The following PCNX1 variants were observed in gnomAD, a reference collection of about 807,000 sequenced individuals.
PCNX1 encodes pecanex 1.
A neutral mutation model predicts 242.2 loss-of-function variants in PCNX1; 78 were observed. The observed-to-expected ratio is 0.32, with a 90% CI of 0.27 to 0.39. The LOEUF is 0.39. PCNX1 is among the 10% of genes least tolerant of loss of function. PCNX1 has a pLI of 1.00. For missense variants in PCNX1, 2,581 were observed against 2,856.5 expected, an observed-to-expected ratio of 0.90 and a Z score of 2.20; for synonymous variants, 1,024 against 1,032.9, an observed-to-expected ratio of 0.99 and a Z score of 0.17.
At position 71,110,591 on chromosome 14, in the gene PCNX1, C is replaced by G. The variant is rs2062736605; in HGVS notation, c.*656C>G. On this transcript the variant is annotated 3_prime_UTR_variant, in exon 36 of 36. Coordinates refer to ENST00000304743, the MANE Select transcript of PCNX1 (RefSeq NM_014982.3). ...TTATTTAAATTGCCTTTGGGATTAG[C>G]CCCTTCCCTTTCCTTATAAACACAG... The G allele has an allele frequency of 6.6e-6, 1 of 152,618 alleles. No individual in the cohort carries two copies. The highest frequency in any genetic ancestry group is 6.5e-5 in the Admixed American group (1 of 15,278). 9.5% of individuals were successfully genotyped at this position (152,618 alleles called of 1,614,324 possible).
At position 71,028,735 on chromosome 14, in the gene PCNX1, A is replaced by G. The variant is rs777106240; in HGVS notation, c.3502A>G (p.Ile1168Val). The G allele has an allele frequency of 6.2e-7, 1 of 1,608,400 alleles. No individual in the cohort carries two copies. Among genetic ancestry groups the G allele is most frequent in the South Asian group, 1.1e-5 (1 of 90,220 alleles). The change falls in exon 16 of 36, where the codon ATC (isoleucine) becomes GTC (valine). Residue 1168 changes from isoleucine to valine, a missense_variant. Physicochemically the swap from Ile to Val is conservative, Grantham distance 29 (BLOSUM62 3). Around this residue, in one of 9 missense-constraint regions of PCNX1, gnomAD observed 432 missense variants for 443.1 expected, o/e 0.97. Transcript: ENST00000304743. ...CCTGCTTGCAGCACTTTACAGTTTT[A>G]TCTGTAGCATTGTTGCAGTAGCCTT... ...TSLLAALYSF[I>V]CSIVAVALLY...
intron 7 of PCNX1, 43 bp from the exon 8 acceptor site, chr14:70,995,698 T>C (rs2059328269): frequency 6.4e-7 from 1 of 1,564,438 alleles, no homozygotes; most frequent in Non-Finnish European, 8.8e-7. Flanking sequence ...TTGTTTTCTC[T>C]TTTCTTCCCT....
At position 70,976,926 on chromosome 14, in the gene PCNX1, T is replaced by C. The variant is rs2058706923; in HGVS notation, c.605-16T>C. 1 of 1,597,558 alleles carries C rather than the reference T, an allele frequency of 6.3e-7. No homozygotes were observed. The highest frequency in any genetic ancestry group is 8.5e-7 in the Non-Finnish European group (1 of 1,169,706). On this transcript the variant is annotated splice_polypyrimidine_tract_variant and intron_variant, in intron 5 of 35. Transcript: ENST00000304743. The stretch of plus-strand genomic sequence containing the variant: ...ATACATTTATTTTAACATTTCAAAA[T>C]ATGTGTTTGAAACAGATTTGGCAGC...
intron 26 of PCNX1, among the ~76,000 whole-genome samples, chr14:71,064,178 A>G (rs1389403961): frequency 2.0e-5 from 3 of 152,176 alleles, no homozygotes; most frequent in African/African-American, 2.4e-5. Context: ...ATAGTTCCTC[A>G]TAGAATCCCT....
At position 70,919,709 on chromosome 14, in the gene PCNX1, TCCCCCCCCCCC is replaced by T. The variant is rs370539833; in HGVS notation, c.153+11716_153+11726del. Among the ~76,000 whole-genome samples, 60 of 8,094 alleles carry T rather than the reference TCCCCCCCCCCC, an allele frequency of 7.4e-3. 14 individuals carry two copies. Among genetic ancestry groups the T allele is most frequent in the East Asian group, 0.068 (20 of 296 alleles). 5.3% of individuals were successfully genotyped at this position (8,094 alleles called of 152,430 possible). ...ATTCTGGTTCCTCTGGTTTCTCTGC[TCCCCCCCCCCC>T]CCCCCCCCCACCAAATAGGAGATGC... On this transcript the variant is annotated intron_variant, in intron 1 of 35. Coordinates refer to ENST00000304743, the MANE Select transcript of PCNX1 (RefSeq NM_014982.3).
intron 26 of PCNX1, among the ~76,000 whole-genome samples, chr14:71,070,460 A>C (rs1210225574): frequency 6.6e-6 from 1 of 152,234 alleles, no homozygotes; most frequent in Non-Finnish European, 1.5e-5. Flanking sequence ...TTATTTCTTA[A>C]GTAATAAGAC....
intron 8 of PCNX1, among the ~76,000 whole-genome samples, chr14:71,006,325 C>A (rs1478054743): frequency 1.3e-5 from 2 of 152,008 alleles, no homozygotes; most frequent in African/African-American, 2.4e-5. Flanking sequence ...GAGATGCAGT[C>A]CCTTGGCCAG....
At chr14:71,061,959 G>T (rs1004998729) in intron 26 of PCNX1, among the ~76,000 whole-genome samples, 1 of 151,982 alleles carries the variant, frequency 6.6e-6, no homozygotes, top group Non-Finnish European at 1.5e-5. Flanking sequence ...CACAGTGAAG[G>T]GTTTTAGCAG....
In PCNX1 at chr14:71,101,900, C is replaced by G. The variant is rs201222427; in HGVS notation, c.5590-90C>G. 17 of 634,400 alleles carry G rather than the reference C, an allele frequency of 2.7e-5. No homozygotes were observed. In the East Asian group the frequency reaches 5.0e-4, roughly 18 times the overall value. The allele number at this position is 634,400 out of a possible 1,614,324, so 39.3% of individuals were successfully genotyped here. On this transcript the variant is annotated intron_variant, in intron 30 of 35. Transcript: ENST00000304743. ...CATGTGTTGAAATATTCATAATAAA[C>G]CAGTTTTTAAGAACTTTCACTTAGT... is the stretch of plus-strand genomic sequence containing the variant.
intron 26 of PCNX1, among the ~76,000 whole-genome samples, chr14:71,059,156 G>A (rs2061260143): frequency 6.6e-6 from 1 of 152,074 alleles, no homozygotes; most frequent in African/African-American, 2.4e-5. Flanking sequence ...CTTACCATCT[G>A]CTCACTCCAT....
chr14:71,025,640 G>T (rs753572063), intron 13 of PCNX1, among the ~76,000 whole-genome samples: 27 of 152,052 alleles, frequency 1.8e-4, no homozygotes, highest in Admixed American at 6.6e-4. Flanking sequence ...GACTGTGGGA[G>T]CCCAATGTGG....
rs1293629827 is a variant in PCNX1 at position 71,109,512 on chromosome 14, T to C, written c.6805T>C (p.Trp2269Arg). ...INLSKRKELQ[W>R]PDEGIRLKAG... ...CCTGTCTAAAAGGAAAGAGCTACAG[T>C]GGCCTGATGAAGGAATCCGGTTAAA... The change falls in exon 35 of 36, where the codon TGG becomes CGG. Residue 2269 changes from tryptophan (W) to arginine (R), a missense_variant. Transcript: ENST00000304743. The C allele has an allele frequency of 6.2e-7, 1 of 1,613,828 alleles. No individual in the cohort carries two copies. Among genetic ancestry groups the C allele is most frequent in the African/African-American group, 1.3e-5 (1 of 75,032 alleles).
intron 1 of PCNX1, among the ~76,000 whole-genome samples, chr14:70,912,594 G>A (rs1471329584): frequency 1.3e-5 from 2 of 151,224 alleles, no homozygotes; most frequent in African/African-American, 4.9e-5. Context: ...TTAGTTAATG[G>A]CACTGTCTGT....
intron 1 of PCNX1, among the ~76,000 whole-genome samples, chr14:70,941,934 C>T (rs567047599): frequency 2.0e-5 from 3 of 152,302 alleles, no homozygotes; most frequent in South Asian, 2.1e-4. Context: ...CCGAACAAGG[C>T]GTGGGATATA....
intron 23 of PCNX1, among the ~76,000 whole-genome samples, chr14:71,051,168 CAAAAAAAAAAAA>C (rs758181078): frequency 0.043 from 1,818 of 41,854 alleles, 38 homozygotes; most frequent in South Asian, 0.098. Context: ...AACTCTGTCT[CAAAAAAAAAAAA>C]AAAAAAAAAA....
Position 70,916,881 on chromosome 14 carries a change from C to A in PCNX1, c.153+8878C>A, listed in dbSNP as rs575107251. Among the ~76,000 whole-genome samples the A allele has an allele frequency of 2.0e-5, 3 of 152,292 alleles. No individual in the cohort carries two copies. The East Asian group carries it at 5.8e-4, about 29-fold the overall frequency. ...TAGCGTTTTACCCACAGTAAAACTT[C>A]TTTCAAAATTAGAGTCAGCTGTCTC... On this transcript the variant is annotated intron_variant, in intron 1 of 35. Transcript: ENST00000304743.
intron 24 of PCNX1, among the ~76,000 whole-genome samples, chr14:71,052,282 C>G (rs2061058659): frequency 6.6e-6 from 1 of 151,512 alleles, no homozygotes. Context: ...TGCGTCTCTG[C>G]TCACTGCAAC....
chr14:71,023,732 A>T (rs575728400), intron 13 of PCNX1, among the ~76,000 whole-genome samples: 2 of 152,286 alleles, frequency 1.3e-5, no homozygotes, highest in South Asian at 4.1e-4. Context: ...TTATCTGCCT[A>T]GCACTATTTA....
chr14:70,982,090 T>A (rs997050211), intron 6 of PCNX1, among the ~76,000 whole-genome samples: 5 of 152,200 alleles, frequency 3.3e-5, no homozygotes, highest in African/African-American at 1.2e-4. Context: ...ATCTTTTCAA[T>A]AAAAATTTAT....
Sources: allele counts gnomAD v4.1 joint callset (sites outside exome capture counted in the v4.1 genomes callset), GRCh38; gene constraint gnomAD v4.1.1; regional missense constraint gnomAD v4.1.1; transcripts MANE v1.5; gene names NCBI Gene and HGNC (gene_info 2026-07-23, HGNC 2026-07-21).